The following KCNC2 variants were observed in gnomAD, a reference collection of about 807,000 sequenced individuals.
KCNC2 encodes the protein voltage-gated potassium channel KCNC2.
Under a neutral mutation model 44.5 loss-of-function variants are expected in KCNC2, and 21 were observed. The observed-to-expected ratio is 0.47, with a 90% confidence interval of 0.33 to 0.68. KCNC2 has a LOEUF of 0.68. KCNC2 is among the 30% of genes least tolerant of loss of function. The pLI is 0.01. For synonymous variants in KCNC2, 391 were observed against 339.1 expected (o/e 1.15, Z -1.68); for missense variants, 589 against 826.2 (o/e 0.71, Z 3.52).
chr12:75,081,690 G>A (rs1217737796), intron 2 of KCNC2, among the ~76,000 whole-genome samples: 3 of 151,922 alleles, frequency 2.0e-5, no homozygotes, highest in Non-Finnish European at 4.4e-5. Context: ...TCATACTTAT[G>A]TAATAATTTG....
At chr12:75,126,731 CT>C (rs1888453269) in intron 2 of KCNC2, among the ~76,000 whole-genome samples, 1 of 151,848 alleles carries the variant, frequency 6.6e-6, no homozygotes, top group Admixed American at 6.6e-5. Flanking sequence ...ATCTTAAACA[CT>C]ATAGGGTCCC....
At chr12:75,073,145 T>C (rs1001399250) in intron 2 of KCNC2, among the ~76,000 whole-genome samples, 2 of 152,208 alleles carry the variant, frequency 1.3e-5, no homozygotes, top group Non-Finnish European at 2.9e-5. Flanking sequence ...TGCCATTTCT[T>C]TGATTATTCA....
intron 2 of KCNC2, among the ~76,000 whole-genome samples, chr12:75,129,169 G>A (rs1469146669): frequency 1.3e-5 from 2 of 152,054 alleles, no homozygotes; most frequent in African/African-American, 4.8e-5. Flanking sequence ...ATGGTATCAA[G>A]GGCAAAGGAA....
intron 2 of KCNC2, among the ~76,000 whole-genome samples, chr12:75,200,706 T>C (rs1163391482): frequency 6.8e-6 from 1 of 148,030 alleles, no homozygotes; most frequent in African/African-American, 2.6e-5. Flanking sequence ...TTTAAAATAA[T>C]CTTCACTAGT....
intron 2 of KCNC2, among the ~76,000 whole-genome samples, chr12:75,187,154 TG>T (rs1375251660): frequency 9.2e-5 from 14 of 152,342 alleles, no homozygotes; most frequent in South Asian, 6.2e-4. Flanking sequence ...TTTCCCTTTT[TG>T]TTTTAAATGA....
chr12:75,131,096 A>T (rs17114711), intron 2 of KCNC2, among the ~76,000 whole-genome samples: 4,739 of 152,266 alleles, frequency 0.031, 120 homozygotes, highest in Middle Eastern at 0.058. Flanking sequence ...CTAGATGATC[A>T]TAAATTTTCA....
At chr12:75,179,602 GT>G (rs1332832103) in intron 2 of KCNC2, among the ~76,000 whole-genome samples, 5 of 141,568 alleles carry the variant, frequency 3.5e-5, no homozygotes, top group Non-Finnish European at 7.8e-5. Context: ...GCATAAAAAT[GT>G]GTTTTATAAA....
chr12:75,087,175 C>A (rs1885099323), intron 2 of KCNC2, among the ~76,000 whole-genome samples: 1 of 152,014 alleles, frequency 6.6e-6, no homozygotes, highest in Admixed American at 6.6e-5. Flanking sequence ...TTACACTGTT[C>A]CTATAAGCCA....
chr12:75,045,686 A>G (rs1880415626), intron 4 of KCNC2, among the ~76,000 whole-genome samples: 1 of 151,946 alleles, frequency 6.6e-6, no homozygotes, highest in Non-Finnish European at 1.5e-5. Flanking sequence ...TACTGAAACT[A>G]CCTACCCATG....
intron 2 of KCNC2, among the ~76,000 whole-genome samples, chr12:75,166,892 G>A (rs1891494603): frequency 6.6e-6 from 1 of 150,928 alleles, no homozygotes; most frequent in African/African-American, 2.4e-5. Flanking sequence ...CTAAGAATTA[G>A]GAAAAGAAGA....
chr12:75,115,841 C>T (rs1299986589), intron 2 of KCNC2, among the ~76,000 whole-genome samples: 1 of 152,062 alleles, frequency 6.6e-6, no homozygotes, highest in African/African-American at 2.4e-5. Context: ...ACCCTCCCCC[C>T]AAAATAATGA....
At chr12:75,174,193 TA>T (rs1892024931) in intron 2 of KCNC2, among the ~76,000 whole-genome samples, 1 of 151,820 alleles carries the variant, frequency 6.6e-6, no homozygotes, top group Non-Finnish European at 1.5e-5. Context: ...TTATACCATG[TA>T]TTTTTTACAC....
chr12:75,040,654 A>G lies in KCNC2; in HGVS notation c.*2451T>C, dbSNP rs1372177634. The G allele has an allele frequency of 1.3e-5, 2 of 158,238 alleles. No individual in the cohort carries two copies. Among genetic ancestry groups the G allele is most frequent in the African/African-American group, 2.4e-5 (1 of 41,562 alleles). The allele number at this position is 158,238 out of a possible 1,614,324, so 9.8% of individuals were successfully genotyped here. A position where few individuals can be genotyped will look rare whatever the true frequency, so the allele number is the denominator to read the frequency against. ...AACATAGGTCATTTTTGATAAATGA[A>G]TACTAACAATTTCACAACATAATTG... On this transcript the variant is annotated 3_prime_UTR_variant, in exon 5 of 5. Coordinates refer to ENST00000549446, the MANE Select transcript of KCNC2 (RefSeq NM_139137.4).
chr12:75,070,340 A>AC (rs1303403613), intron 2 of KCNC2, among the ~76,000 whole-genome samples: 3 of 150,602 alleles, frequency 2.0e-5, no homozygotes, highest in Non-Finnish European at 4.4e-5. Flanking sequence ...AATCCCAGCT[A>AC]CTGGGGAGGC....
At chr12:75,068,369 G>A (rs572758544) in intron 2 of KCNC2, among the ~76,000 whole-genome samples, 5 of 152,300 alleles carry the variant, frequency 3.3e-5, no homozygotes, top group Admixed American at 2.6e-4. Context: ...CTCAATCAGC[G>A]AAGCAAGAGA....
rs1164791034 is a variant in KCNC2, at chr12:75,050,640, G to A, written c.1365C>T (p.Ala455=). The A allele has an allele frequency of 2.5e-6, 4 of 1,613,228 alleles. No individual in the cohort carries two copies. Among genetic ancestry groups the A allele is most frequent in the Non-Finnish European group, 3.4e-6 (4 of 1,179,780 alleles). The change falls in exon 3 of 5, where the codon GCC becomes GCT. Residue 455 remains alanine (A), a synonymous_variant. Coordinates refer to ENST00000549446, the MANE Select transcript of KCNC2 (RefSeq NM_139137.4). ...TCAGCACTCCAGCCAGAGCACACAG[G>A]GCTCCCACCAGCATGCCTGACCATG... ...PQTWSGMLVG[A]LCALAGVLTI...
intron 2 of KCNC2, among the ~76,000 whole-genome samples, chr12:75,157,432 T>A (rs1890839016): frequency 6.6e-6 from 1 of 151,896 alleles, no homozygotes; most frequent in South Asian, 2.1e-4. Flanking sequence ...TCTTGATGAA[T>A]CAGACAAAAG....
intron 2 of KCNC2, among the ~76,000 whole-genome samples, chr12:75,145,826 T>C (rs896863272): frequency 9.2e-5 from 14 of 152,172 alleles, no homozygotes; most frequent in South Asian, 6.2e-4. Flanking sequence ...ATGAACACTT[T>C]CATGTCCATC....
chr12:75,199,121 C>G (rs1178202624), intron 2 of KCNC2, among the ~76,000 whole-genome samples: 1 of 151,784 alleles, frequency 6.6e-6, no homozygotes, highest in Non-Finnish European at 1.5e-5. Flanking sequence ...ATAGAGACAA[C>G]TCAAAGGAAA....
Sources: gnomAD v4.1 joint callset for allele counts (sites outside exome capture counted in the v4.1 genomes callset) on GRCh38, gnomAD v4.1.1 for gene constraint, MANE v1.5 for transcripts, NCBI Gene and HGNC (gene_info 2026-07-23, HGNC 2026-07-21) for gene names.